The following ZNF438 variants were observed in gnomAD, a reference collection of about 807,000 sequenced individuals.
ZNF438 encodes the protein zinc finger protein 438.
In ZNF438, 25 loss-of-function variants were observed where a neutral mutation model predicts 38.0. The observed-to-expected ratio is 0.66, with a 90% CI of 0.48 to 0.92. The LOEUF (loss-of-function observed/expected upper bound fraction) is 0.92, where lower values mean the gene tolerates loss of function less well. Among genes scored for constraint, ZNF438 ranks in the 40% least tolerant of loss-of-function variants. The pLI is 0.00. For synonymous variants in ZNF438, 372 were observed against 364.1 expected, an observed-to-expected ratio of 1.02 and a Z score of -0.25; for missense variants, 1,007 against 999.6, an observed-to-expected ratio of 1.01 and a Z score of -0.10.
intron 1 of ZNF438, chr10:30,984,388 T>C (rs2052546012): frequency 6.6e-6 from 1 of 152,202 alleles, no homozygotes; most frequent in Non-Finnish European, 1.5e-5. Flanking sequence ...AAGGCTCCTG[T>C]AGAGTCATAA....
intron 1 of ZNF438, among the ~76,000 whole-genome samples, chr10:31,015,855 T>C (rs558625428): frequency 7.2e-5 from 11 of 152,356 alleles, no homozygotes; most frequent in Admixed American, 2.6e-4. Context: ...GTACTCTTAC[T>C]GTGTCTTCAC....
chr10:30,854,363 C>T (rs2034243564), intron 4 of ZNF438, among the ~76,000 whole-genome samples: 1 of 152,088 alleles, frequency 6.6e-6, no homozygotes, highest in South Asian at 2.1e-4. Context: ...CCTGGCTTCC[C>T]TAGAATTCCT....
At chr10:30,870,422 T>C (rs10826884) in intron 4 of ZNF438, among the ~76,000 whole-genome samples, 88,769 of 146,330 alleles carry the variant, frequency 0.61, 26,271 homozygotes, top group African/African-American at 0.66. Flanking sequence ...TCAAAAACTG[T>C]CACTTTTTTT....
intron 3 of ZNF438, among the ~76,000 whole-genome samples, chr10:30,894,385 C>T (rs1437148868): frequency 6.6e-6 from 1 of 152,168 alleles, no homozygotes; most frequent in Non-Finnish European, 1.5e-5. Flanking sequence ...CAACACCTGG[C>T]CTGAGCACCA....
rs150872019 is a variant in ZNF438, at chr10:30,972,090, C to T, written c.-191-30439G>A. On this transcript the variant is annotated intron_variant, in intron 1 of 5. Transcript: ENST00000413025. ...GTTCACGCCATTGTCCTGCTTCAGT[C>T]TCCCGAGTAGCTGGGACTACAGGTG... Among the ~76,000 whole-genome samples the T allele has an allele frequency of 4.9e-3, 742 of 152,066 alleles. 6 individuals are homozygous for T. Among genetic ancestry groups the T allele is most frequent in the African/African-American group, 0.017 (710 of 41,464 alleles).
intron 1 of ZNF438, among the ~76,000 whole-genome samples, chr10:30,992,491 C>A (rs184776477): frequency 1.5e-4 from 23 of 151,606 alleles, no homozygotes; most frequent in Admixed American, 1.4e-3. Context: ...CAGCTCACTG[C>A]AACCTCTACC....
At chr10:30,850,270 G>C (rs756299364) in exon 5 of ZNF438, 3 of 1,614,176 alleles carry the variant, frequency 1.9e-6, no homozygotes, top group Admixed American at 3.3e-5. Flanking sequence ...TGGACGTTAG[G>C]ACTTTGGGCA....
At chr10:30,950,465 T>G (rs1668376334) in intron 1 of ZNF438, among the ~76,000 whole-genome samples, 1 of 150,168 alleles carries the variant, frequency 6.7e-6, no homozygotes, top group Admixed American at 6.6e-5. Flanking sequence ...CAGGAGCTGG[T>G]TTTTTGAAAG....
intron 1 of ZNF438, among the ~76,000 whole-genome samples, chr10:30,986,625 G>C (rs1292001776): frequency 1.3e-5 from 2 of 152,174 alleles, no homozygotes; most frequent in African/African-American, 4.8e-5. Flanking sequence ...GGGGTCGGAA[G>C]TGTTTTGAAT....
intron 2 of ZNF438, among the ~76,000 whole-genome samples, chr10:30,913,035 T>G (rs1365725583): frequency 2.0e-5 from 3 of 152,036 alleles, no homozygotes; most frequent in Non-Finnish European, 4.4e-5. Flanking sequence ...CCACTATAAC[T>G]TTACCCCAAG....
Position 30,973,105 on chromosome 10 carries a change from A to G in ZNF438, c.-191-31454T>C, listed in dbSNP as rs2050927652. Among the ~76,000 whole-genome samples, 4 of 152,332 alleles carry G rather than the reference A, an allele frequency of 2.6e-5. No homozygotes were observed. The South Asian group carries it at 8.3e-4, about 32-fold the overall frequency. On this transcript the variant is annotated intron_variant, in intron 1 of 5. Coordinates refer to ENST00000413025, the Ensembl canonical transcript of ZNF438. ...AACATACAATAATGTTTCCTCCAGT[A>G]GTTAACGCTGTAGTTCTAGAAGACT...
chr10:31,012,643 C>T (rs917496515), intron 1 of ZNF438, among the ~76,000 whole-genome samples: 2 of 152,162 alleles, frequency 1.3e-5, no homozygotes, highest in Admixed American at 1.3e-4. Context: ...GAAGGAATGA[C>T]TGCATACACC....
intron 1 of ZNF438, among the ~76,000 whole-genome samples, chr10:30,986,542 T>TG (rs1163604288): frequency 6.6e-6 from 1 of 152,244 alleles, no homozygotes; most frequent in African/African-American, 2.4e-5. Context: ...GTTGAATGCC[T>TG]AGTGTCATGA....
chr10:30,848,481 CCAAAT>C (rs751310852), intron 5 of ZNF438, 45 bp downstream of exon 6: 1 of 1,549,700 alleles, frequency 6.5e-7, no homozygotes, highest in South Asian at 1.2e-5. Context: ...CCCCTCTTCC[CCAAAT>C]CAAAACAGAC....
chr10:30,952,146 G>A (rs2048285280), intron 1 of ZNF438, among the ~76,000 whole-genome samples: 1 of 151,672 alleles, frequency 6.6e-6, no homozygotes, highest in Admixed American at 6.6e-5. Context: ...AACAAGCAAT[G>A]GGGAAAGGAT....
At position 30,848,667 on chromosome 10, in the gene ZNF438, G is replaced by A. The variant is rs186136357; in HGVS notation, c.1738C>T (p.Arg580Ter). 6 of 1,614,176 alleles carry A rather than the reference G, an allele frequency of 3.7e-6. No individual in the cohort carries two copies. Among genetic ancestry groups the A allele is most frequent in the Non-Finnish European group, 5.1e-6 (6 of 1,180,038 alleles). The change falls in exon 5 of 6, where the codon CGA becomes TGA. Residue 580 changes from arginine to a stop codon, truncating the protein, a stop_gained. Coordinates refer to ENST00000413025, the Ensembl canonical transcript of ZNF438. LOFTEE classifies it high-confidence loss of function. Reference sequence around the variant, plus strand: ...TCTTTCAGATGGCCAAAATAGACTCGGATGTGGCCAAACACTTTTGCACAA... The same window carrying A: ...TCTTTCAGATGGCCAAAATAGACTCAGATGTGGCCAAACACTTTTGCACAA...
chr10:30,871,448 G>C (rs991055375), intron 4 of ZNF438, among the ~76,000 whole-genome samples: 1 of 152,072 alleles, frequency 6.6e-6, no homozygotes, highest in African/African-American at 2.4e-5. Flanking sequence ...TACATGCCAG[G>C]ACGCTTTAAA....
chr10:31,022,850 C>T (rs2056697400), intron 1 of ZNF438, among the ~76,000 whole-genome samples: 2 of 152,274 alleles, frequency 1.3e-5, no homozygotes, highest in East Asian at 3.9e-4. Flanking sequence ...CTTCCAAAAC[C>T]AGCAGGTTTT....
chr10:30,892,498 AG>A (rs1171360502), intron 3 of ZNF438, among the ~76,000 whole-genome samples: 1 of 152,184 alleles, frequency 6.6e-6, no homozygotes, highest in Non-Finnish European at 1.5e-5. Context: ...TTATATATTA[AG>A]AATTTACTTA....
Sources: gnomAD v4.1 joint callset for allele counts (sites outside exome capture counted in the v4.1 genomes callset) on GRCh38, gnomAD v4.1.1 for gene constraint, MANE v1.5 for transcripts, NCBI Gene and HGNC (gene_info 2026-07-23, HGNC 2026-07-21) for gene names.